Variants in RASSF8 observed in about 807,000 individuals in gnomAD.
The protein encoded by RASSF8 is Ras association domain family member 8.
A neutral mutation model predicts 48.5 loss-of-function variants in RASSF8; 22 were observed. The ratio of observed to expected loss-of-function variants is 0.45; its 90% CI spans 0.32 to 0.65. RASSF8 has a LOEUF of 0.65. Ranked by LOEUF, RASSF8 falls within the 30% of genes least tolerant of loss-of-function variation. The probability of loss-of-function intolerance (pLI) is 0.03; values close to 1 mark genes in which losing one functional copy is unlikely to be tolerated. For synonymous variants in RASSF8, 127 were observed against 171.5 expected (o/e 0.74, Z 2.03); for missense variants, 418 against 489.2 (o/e 0.85, Z 1.37).
chr12:25,991,460 A>G (rs1942012938), intron 1 of RASSF8, among the ~76,000 whole-genome samples: 1 of 150,386 alleles, frequency 6.6e-6, no homozygotes, highest in Non-Finnish European at 1.5e-5. Flanking sequence ...TGGATCAGGG[A>G]TCCAGGAATG....
chr12:26,024,550 C>CA (rs1229484118), intron 2 of RASSF8, among the ~76,000 whole-genome samples: 18 of 152,196 alleles, frequency 1.2e-4, no homozygotes, highest in Admixed American at 1.1e-3. Flanking sequence ...AATACAGATG[C>CA]AAAAATTCTC....
At chr12:26,040,033 C>T (rs1943231200) in intron 2 of RASSF8, among the ~76,000 whole-genome samples, 1 of 152,148 alleles carries the variant, frequency 6.6e-6, no homozygotes, top group African/African-American at 2.4e-5. Context: ...ATTATGACTT[C>T]ATTTTCTTGA....
intron 1 of RASSF8, among the ~76,000 whole-genome samples, chr12:25,976,101 CAGG>C (rs1941598305): frequency 1.3e-5 from 2 of 152,138 alleles, no homozygotes; most frequent in South Asian, 2.1e-4. Context: ...GCCAGTGAGG[CAGG>C]AGAATAGGGT....
Position 26,072,312 on chromosome 12 carries a change from A to G in RASSF8, c.*3494A>G, listed in dbSNP as rs953383478. ...GTTTGGGGTGAAGGCCATCAGCTGTATCAAAAAGACAAAACAATCACTATT... is the reference window on the plus strand; with the variant it reads ...GTTTGGGGTGAAGGCCATCAGCTGTGTCAAAAAGACAAAACAATCACTATT... On this transcript the variant is annotated 3_prime_UTR_variant, in exon 6 of 6. Coordinates refer to ENST00000689635, the MANE Select transcript of RASSF8 (RefSeq NM_001394098.1). 13 of 985,290 alleles carry G rather than the reference A, an allele frequency of 1.3e-5. No homozygotes were observed. The highest frequency in any genetic ancestry group is 1.6e-5 in the Non-Finnish European group (13 of 829,890). 61.0% of individuals were successfully genotyped at this position (985,290 alleles called of 1,614,324 possible).
intron 1 of RASSF8, among the ~76,000 whole-genome samples, chr12:25,962,429 T>C (rs745906765): frequency 2.0e-5 from 3 of 152,332 alleles, no homozygotes; most frequent in Middle Eastern, 3.4e-3. Context: ...TCTGAATATT[T>C]ACCACAATTT....
At chr12:26,021,260 T>G (rs1473708305) in intron 2 of RASSF8, among the ~76,000 whole-genome samples, 1 of 151,906 alleles carries the variant, frequency 6.6e-6, no homozygotes, top group East Asian at 1.9e-4. Context: ...TTTAAGAAAA[T>G]CTAAAACTTG....
chr12:25,968,050 T>C (rs1201051922), intron 1 of RASSF8, among the ~76,000 whole-genome samples: 1 of 152,238 alleles, frequency 6.6e-6, no homozygotes, highest in African/African-American at 2.4e-5. Context: ...TCAAGTCCAT[T>C]GACCCTGGTG....
intron 5 of RASSF8, among the ~76,000 whole-genome samples, chr12:26,067,927 C>T (rs999259781): frequency 9.9e-5 from 15 of 152,028 alleles, no homozygotes; most frequent in African/African-American, 3.6e-4. Context: ...CCATACCTGG[C>T]TGATTTTCTT....
intron 1 of RASSF8, among the ~76,000 whole-genome samples, chr12:25,985,033 C>G (rs1941839396): frequency 6.6e-6 from 1 of 151,978 alleles, no homozygotes; most frequent in African/African-American, 2.4e-5. Flanking sequence ...TGGTCTTGAG[C>G]CTTTCATTTT....
intron 2 of RASSF8, among the ~76,000 whole-genome samples, chr12:26,038,114 C>T (rs1453273398): frequency 1.3e-5 from 2 of 152,086 alleles, no homozygotes; most frequent in East Asian, 3.8e-4. Flanking sequence ...ACAGGTTGCA[C>T]GTGTTGTGTA....
Position 26,071,152 on chromosome 12 carries a change from C to T in RASSF8, c.*2334C>T. ...TAATTAGTTATATTACTTCTGGAAGCACATATCTAAGGAATATTTTCTAAG... is the reference window on the plus strand; with the variant it reads ...TAATTAGTTATATTACTTCTGGAAGTACATATCTAAGGAATATTTTCTAAG... On this transcript the variant is annotated 3_prime_UTR_variant, in exon 6 of 6. Coordinates refer to ENST00000689635, the MANE Select transcript of RASSF8 (RefSeq NM_001394098.1). The T allele has an allele frequency of 1.0e-6, 1 of 973,528 alleles. No homozygotes were observed. The highest frequency in any genetic ancestry group is 4.7e-5 in the South Asian group (1 of 21,058). 60.3% of individuals were successfully genotyped at this position (973,528 alleles called of 1,614,324 possible).
chr12:26,029,314 C>T (rs545914543), intron 2 of RASSF8, among the ~76,000 whole-genome samples: 83 of 152,130 alleles, frequency 5.5e-4, no homozygotes, highest in Non-Finnish European at 7.9e-4. Context: ...ACATTGACAA[C>T]CCATGTTATT....
In RASSF8 at chr12:26,071,452, A is replaced by G. The variant is rs1314062882; in HGVS notation, c.*2634A>G. 6.3e-6 allele frequency: 6 copies of G among 945,088 alleles called. No homozygotes were observed. The highest frequency in any genetic ancestry group is 3.6e-5 in the African/African-American group (2 of 56,314). 58.5% of individuals were successfully genotyped at this position (945,088 alleles called of 1,614,324 possible). A position where few individuals can be genotyped will look rare whatever the true frequency, so the allele number is the denominator to read the frequency against. On this transcript the variant is annotated 3_prime_UTR_variant, in exon 6 of 6. Coordinates refer to ENST00000689635, the MANE Select transcript of RASSF8 (RefSeq NM_001394098.1). The stretch of plus-strand genomic sequence containing the variant: ...AACTTGTTTTATTGTGATTTTCTAC[A>G]AGTATTAAATACATTTAAAGATCTT...
intron 2 of RASSF8, among the ~76,000 whole-genome samples, chr12:26,035,225 C>T (rs2137125389): frequency 6.6e-6 from 1 of 151,950 alleles, no homozygotes; most frequent in Non-Finnish European, 1.5e-5. Flanking sequence ...TAGCTAGTCC[C>T]TGTCTTCAAA....
At chr12:25,977,867 T>C (rs910921528) in intron 1 of RASSF8, among the ~76,000 whole-genome samples, 2 of 152,186 alleles carry the variant, frequency 1.3e-5, no homozygotes, top group African/African-American at 2.4e-5. Flanking sequence ...ACAGGTGGGA[T>C]TGACACTGAG....
chr12:26,047,786 G>A (rs1350464913), intron 2 of RASSF8, among the ~76,000 whole-genome samples: 1 of 152,238 alleles, frequency 6.6e-6, no homozygotes, highest in East Asian at 1.9e-4. Context: ...TCAGGGGTCA[G>A]ATTGTAGGCA....
intron 2 of RASSF8, among the ~76,000 whole-genome samples, chr12:26,014,354 G>A (rs768233456): frequency 1.3e-5 from 2 of 152,172 alleles, no homozygotes; most frequent in African/African-American, 2.4e-5. Flanking sequence ...AGCTTAGTAG[G>A]CAAGATAAAA....
intron 1 of RASSF8, among the ~76,000 whole-genome samples, chr12:25,991,246 T>A (rs1052968738): frequency 6.6e-6 from 1 of 152,138 alleles, no homozygotes; most frequent in African/African-American, 2.4e-5. Context: ...TGCTCTTGAG[T>A]TATTCTTGAG....
chr12:25,980,366 T>C (rs576161020), intron 1 of RASSF8, among the ~76,000 whole-genome samples: 22 of 152,354 alleles, frequency 1.4e-4, no homozygotes, highest in African/African-American at 4.8e-4. Context: ...TCTTTAATTT[T>C]AAAAAGAGAT....
Sources: gnomAD v4.1 joint callset for allele counts (sites outside exome capture counted in the v4.1 genomes callset) on GRCh38, gnomAD v4.1.1 for gene constraint, MANE v1.5 for transcripts, NCBI Gene and HGNC (gene_info 2026-07-23, HGNC 2026-07-21) for gene names.